Variants in BTBD9 observed in about 807,000 individuals in gnomAD.
BTBD9 encodes the protein BTB/POZ domain-containing protein 9.
BTBD9 carries 49 observed loss-of-function variants against 64.3 expected under a neutral mutation model. The ratio of observed to expected loss-of-function variants is 0.76; its 90% CI spans 0.61 to 0.97. The LOEUF is 0.97. Among genes scored for constraint, BTBD9 ranks in the 50% least tolerant of loss-of-function variants. BTBD9 has a pLI of 0.00. For synonymous variants in BTBD9, 260 were observed against 274.7 expected (o/e 0.95, Z 0.53); for missense variants, 598 against 762.1 (o/e 0.78, Z 2.53).
At chr6:38,476,050 T>C (rs933618521) in intron 6 of BTBD9, among the ~76,000 whole-genome samples, 1 of 152,222 alleles carries the variant, frequency 6.6e-6, no homozygotes, top group African/African-American at 2.4e-5. Flanking sequence ...TGAATGTCCA[T>C]TTGGCAGGCT....
At position 38,288,362 on chromosome 6, in the gene BTBD9, T is replaced by C. The variant is rs900172847; in HGVS notation, c.1364A>G (p.Tyr455Cys). 1.2e-6 allele frequency: 2 copies of C among 1,614,058 alleles called. No individual in the cohort carries two copies. The highest frequency in any genetic ancestry group is 1.3e-5 in the African/African-American group (1 of 74,924). ...NALLNGDTKN[Y>C]DWDSGYTCHQ... ...ACATGTGTAGCCAGAATCCCAGTCA[T>C]AATTCTTAGTGTCCCCATTCAGCAA... Residue 455 changes from tyrosine to cysteine, a missense_variant, in exon 8 of 11, where the codon TAT becomes TGT. Coordinates refer to ENST00000481247, the MANE Select transcript of BTBD9 (RefSeq NM_001099272.2).
chr6:38,361,476 G>C (rs903320613), intron 6 of BTBD9, among the ~76,000 whole-genome samples: 3 of 152,100 alleles, frequency 2.0e-5, no homozygotes, highest in Non-Finnish European at 2.9e-5. Context: ...CCAAGAGTTG[G>C]AGGCTGCAGA....
intron 6 of BTBD9, among the ~76,000 whole-genome samples, chr6:38,528,745 C>A (rs534727703): frequency 6.6e-6 from 1 of 152,216 alleles, no homozygotes; most frequent in Middle Eastern, 3.4e-3. Flanking sequence ...GACTAAAGAG[C>A]CTTTGGGCCC....
At chr6:38,237,264 C>A (rs1763809159) in intron 9 of BTBD9, among the ~76,000 whole-genome samples, 1 of 152,220 alleles carries the variant, frequency 6.6e-6, no homozygotes, top group South Asian at 2.1e-4. Context: ...AGTAGTCTAT[C>A]TTTTCTTTTC....
intron 6 of BTBD9, among the ~76,000 whole-genome samples, chr6:38,543,313 T>C (rs555558042): frequency 3.1e-4 from 47 of 152,230 alleles, no homozygotes; most frequent in Non-Finnish European, 5.1e-4. Context: ...TGTTATTTTC[T>C]TCACAGCAAT....
intron 7 of BTBD9, among the ~76,000 whole-genome samples, chr6:38,292,608 G>A (rs1218123092): frequency 4.6e-5 from 7 of 152,128 alleles, no homozygotes; most frequent in Non-Finnish European, 1.5e-5. Flanking sequence ...TTTGCTTAGA[G>A]GTGTTTATAG....
intron 6 of BTBD9, among the ~76,000 whole-genome samples, chr6:38,477,863 C>T (rs1770960534): frequency 6.6e-6 from 1 of 152,196 alleles, no homozygotes; most frequent in African/African-American, 2.4e-5. Context: ...GTAAAGCCAT[C>T]AGTGGCTCTG....
At chr6:38,545,173 C>T (rs1017133006) in intron 6 of BTBD9, among the ~76,000 whole-genome samples, 13 of 151,788 alleles carry the variant, frequency 8.6e-5, no homozygotes, top group African/African-American at 2.9e-4. Flanking sequence ...CTCACTGCAA[C>T]CTCCGCCTCC....
chr6:38,479,340 C>T (rs1051643109), intron 6 of BTBD9, among the ~76,000 whole-genome samples: 1 of 151,890 alleles, frequency 6.6e-6, no homozygotes, highest in Non-Finnish European at 1.5e-5. Context: ...ATAATCCACA[C>T]AGTGTAGATG....
intron 6 of BTBD9, among the ~76,000 whole-genome samples, chr6:38,556,548 TGTGAGAGA>T (rs754808952): frequency 0.32 from 22,804 of 71,424 alleles, 1,973 homozygotes; most frequent in African/African-American, 0.42. Context: ...TGTGTGTGTG[TGTGAGAGA>T]GAGAGAGAGA....
chr6:38,333,277 C>T (rs1763748621), intron 7 of BTBD9, among the ~76,000 whole-genome samples: 2 of 152,198 alleles, frequency 1.3e-5, no homozygotes, highest in Admixed American at 1.3e-4. Flanking sequence ...ACCCATAGGT[C>T]CCTTCCCTTA....
At chr6:38,357,685 CCACTGAG>C in intron 6 of BTBD9, among the ~76,000 whole-genome samples, 1 of 120,178 alleles carries the variant, frequency 8.3e-6, no homozygotes, top group South Asian at 3.7e-4. Context: ...TTGGGTACAA[CCACTGAG>C]ACTGTCTGGT....
chr6:38,465,399 C>T (rs1422943159), intron 6 of BTBD9, among the ~76,000 whole-genome samples: 6 of 146,664 alleles, frequency 4.1e-5, no homozygotes, highest in African/African-American at 1.0e-4. Flanking sequence ...AGGCAGATCA[C>T]GAGGTCAGGA....
At chr6:38,495,545 T>C (rs1441850975) in intron 6 of BTBD9, among the ~76,000 whole-genome samples, 1 of 152,242 alleles carries the variant, frequency 6.6e-6, no homozygotes, top group African/African-American at 2.4e-5. Context: ...GCAAACACAC[T>C]GAATTCTGGA....
chr6:38,606,233 C>T (rs1167623290), intron 1 of BTBD9, among the ~76,000 whole-genome samples: 1 of 152,116 alleles, frequency 6.6e-6, no homozygotes, highest in East Asian at 1.9e-4. Context: ...TGCAGAGGGC[C>T]TATTGTGGGA....
At chr6:38,565,556 A>G (rs1332536153) in intron 6 of BTBD9, among the ~76,000 whole-genome samples, 2 of 151,518 alleles carry the variant, frequency 1.3e-5, no homozygotes, top group Non-Finnish European at 2.9e-5. Flanking sequence ...TCTATCAACA[A>G]CAAGTGCACA....
intron 6 of BTBD9, among the ~76,000 whole-genome samples, chr6:38,450,961 C>G (rs892661822): frequency 6.6e-6 from 1 of 152,180 alleles, no homozygotes; most frequent in South Asian, 2.1e-4. Context: ...GCTTTCATCA[C>G]TTTGTTTGTT....
intron 9 of BTBD9, among the ~76,000 whole-genome samples, chr6:38,222,257 G>T (rs6907373): frequency 0.82 from 95,057 of 115,468 alleles, 39,452 homozygotes; most frequent in East Asian, 0.97. Flanking sequence ...TCATTCAGTT[G>T]TTTTTTTTTT....
intron 1 of BTBD9, among the ~76,000 whole-genome samples, chr6:38,620,617 G>A (rs936299286): frequency 2.6e-5 from 4 of 152,092 alleles, no homozygotes; most frequent in African/African-American, 9.7e-5. Context: ...CTAATCAAGG[G>A]TACAAAGCAT....
Sources: gnomAD v4.1 joint callset for allele counts (sites outside exome capture counted in the v4.1 genomes callset) on GRCh38, gnomAD v4.1.1 for gene constraint, MANE v1.5 for transcripts, NCBI Gene and HGNC (gene_info 2026-07-23, HGNC 2026-07-21) for gene names.